GLYATL1: variants seen among roughly 807,000 people sequenced by gnomAD.
GLYATL1 encodes glycine N-acyltransferase-like protein 1.
In GLYATL1, 15 loss-of-function variants were observed where a neutral mutation model predicts 20.0. That is an observed-to-expected ratio of 0.75 (90% CI 0.50 to 1.15). GLYATL1 has a LOEUF of 1.15. Among genes scored for constraint, GLYATL1 ranks in the 50% most tolerant of loss-of-function variants. GLYATL1 has a pLI of 0.00. For synonymous variants in GLYATL1, 151 were observed against 131.5 expected, an observed-to-expected ratio of 1.15 and a Z score of -1.01; for missense variants, 380 against 368.5, an observed-to-expected ratio of 1.03 and a Z score of -0.26.
In GLYATL1 at chr11:58,951,145, A is replaced by T. The variant is rs534254983; in HGVS notation, c.186+3180A>T. ...ATTTTTGCTACTCGAAGATCATACAACTGTTTTCTCATTTTGTCTTACAGT... is the reference window on the plus strand; with the variant it reads ...ATTTTTGCTACTCGAAGATCATACATCTGTTTTCTCATTTTGTCTTACAGT... On this transcript the variant is annotated intron_variant, in intron 4 of 6. Coordinates refer to ENST00000532726, the MANE Select transcript of GLYATL1 (RefSeq NM_001389712.2). Among the ~76,000 whole-genome samples the T allele has an allele frequency of 2.2e-4, 33 of 152,180 alleles. 2 individuals are homozygous for T. Among genetic ancestry groups the T allele is most frequent in the Admixed American group, 1.9e-3 (29 of 15,290 alleles).
intron 2 of GLYATL1, among the ~76,000 whole-genome samples, chr11:58,946,585 G>T (rs1393626067): frequency 2.0e-5 from 3 of 152,122 alleles, no homozygotes; most frequent in Non-Finnish European, 2.9e-5. Flanking sequence ...GAAATATTTG[G>T]CCCTGAGAAA....
Position 58,955,718 on chromosome 11 carries a change from C to T in GLYATL1, c.600C>T (p.Arg200=), listed in dbSNP as rs776047363. The part of the protein sequence containing the change: ...KNERSLHYIK[R]CIEDLPAACM... ...AGAGGAGCCTGCATTACATCAAGCG[C>T]TGCATAGAAGACCTGCCAGCAGCCT... The change falls in exon 7 of 7, where the codon CGC becomes CGT. Residue 200 remains arginine (R), a synonymous_variant. Transcript: ENST00000532726. The T allele has an allele frequency of 6.2e-7, 1 of 1,614,214 alleles. No homozygotes were observed. Among genetic ancestry groups the T allele is most frequent in the South Asian group, 1.1e-5 (1 of 91,078 alleles).
rs371784651 is a variant in GLYATL1 at position 58,955,627 on chromosome 11, A to G, written c.509A>G (p.Lys170Arg). Residue 170 changes from lysine (K) to arginine (R), a missense_variant, in exon 7 of 7, where the codon AAG becomes AGG. By Grantham distance (26) the Lys-to-Arg change is conservative (BLOSUM62 2). Coordinates refer to ENST00000532726, the MANE Select transcript of GLYATL1 (RefSeq NM_001389712.2). Reference sequence around the variant, plus strand: ...GTCTACAGTGAAACTCCCAACTTTAAGTATGCCCAGCTGGATGTCTCTTAT... The same window carrying G: ...GTCTACAGTGAAACTCCCAACTTTAGGTATGCCCAGCTGGATGTCTCTTAT... ...DEFESETPNFKYAQLDVSYSG... is the reference protein window; with the variant it reads ...DEFESETPNFRYAQLDVSYSG... 1.2e-6 allele frequency: 2 copies of G among 1,613,728 alleles called. No individual in the cohort carries two copies. The highest frequency in any genetic ancestry group is 2.7e-5 in the African/African-American group (2 of 74,916).
intron 2 of GLYATL1, among the ~76,000 whole-genome samples, chr11:58,944,632 T>C (rs2135201988): frequency 6.6e-6 from 1 of 152,260 alleles, no homozygotes. Context: ...TCCCTTCAAG[T>C]CCTTGTCCAC....
At chr11:58,948,135 G>A (rs531008767) in intron 4 of GLYATL1, among the ~76,000 whole-genome samples, 170 bp downstream of exon 4, 18 of 152,274 alleles carry the variant, frequency 1.2e-4, no homozygotes, top group South Asian at 8.3e-4. Flanking sequence ...CCCACCCTTC[G>A]TGTAAAGCAT....
chr11:58,947,498 A>G, intron 3 of GLYATL1: 2 of 453,968 alleles, frequency 4.4e-6, no homozygotes, highest in Non-Finnish European at 7.9e-6. Flanking sequence ...CCTTTCTCTG[A>G]CTTTACGTTT....
At chr11:58,914,028 T>C (rs1463831275) in intron 1 of GLYATL1, among the ~76,000 whole-genome samples, 1 of 152,154 alleles carries the variant, frequency 6.6e-6, no homozygotes, top group Non-Finnish European at 1.5e-5. Flanking sequence ...ACTTTCTCTC[T>C]CTTTATGCTA....
upstream of GLYATL1, among the ~76,000 whole-genome samples, chr11:58,923,353 T>A (rs1411374383): frequency 6.6e-6 from 1 of 152,212 alleles, no homozygotes; most frequent in Non-Finnish European, 1.5e-5. Context: ...CTTTTCTGAA[T>A]GAGCCAGATA....
Position 58,907,211 on chromosome 11 carries a change from T to C in GLYATL1, n.239-30T>C, listed in dbSNP as rs1316736073. ...GGGAAACCTCTTCATATATCCTGAG[T>C]TTTCTGTCTCTCTCTCTCTGCCTCT... On this transcript the variant is annotated intron_variant and non_coding_transcript_variant, in intron 1 of 1. Transcript: ENST00000524629. 6.6e-6 allele frequency: 3 copies of C among 455,798 alleles called. No individual in the cohort carries two copies. The Admixed American group carries it at 7.0e-5, about 11-fold the overall frequency. 28.2% of individuals were successfully genotyped at this position (455,798 alleles called of 1,614,324 possible). A position where few individuals can be genotyped will look rare whatever the true frequency, so the allele number is the denominator to read the frequency against.
At chr11:58,905,732 GACAAATAGGGA>G in intron 1 of GLYATL1, 12 of 107,826 alleles carry the variant, frequency 1.1e-4, no homozygotes, top group South Asian at 4.9e-4. Context: ...GGGTCATCTG[GACAAATAGGGA>G]GGGTGGGCGG....
At chr11:58,943,721 A>T in intron 2 of GLYATL1, 55 bp downstream of exon 2, 2 of 1,592,932 alleles carry the variant, frequency 1.3e-6, no homozygotes, top group Non-Finnish European at 1.7e-6. Flanking sequence ...GAGCTCTCTG[A>T]GTTGCTTGGA....
Position 58,943,597 on chromosome 11 carries a change from A to G in GLYATL1, c.-112A>G. ...GCTTCTAGTATCCCCAGGAGCGCGA[A>G]GTGAACACGGAAGGTACCTGCAGGA... On this transcript the variant is annotated 5_prime_UTR_variant, in exon 2 of 7. Transcript: ENST00000532726. 6.2e-7 allele frequency: 1 copy of G among 1,613,632 alleles called. No individual in the cohort carries two copies. Among genetic ancestry groups the G allele is most frequent in the Non-Finnish European group, 8.5e-7 (1 of 1,179,594 alleles).
At chr11:58,921,541 A>T (rs1028732924) in intron 1 of GLYATL1, among the ~76,000 whole-genome samples, 3 of 152,118 alleles carry the variant, frequency 2.0e-5, no homozygotes, top group Non-Finnish European at 4.4e-5. Flanking sequence ...TCTCCACGTT[A>T]TTATTCTCTG....
rs147081205 is a variant in GLYATL1, at chr11:58,956,009, G to T, written c.891G>T (p.Gln297His). Residue 297 changes from glutamine (Q) to histidine (H), a missense_variant, in exon 7 of 7, where the codon CAG becomes CAT. Physicochemically the swap from Gln to His is conservative, Grantham distance 24. Coordinates refer to ENST00000532726, the MANE Select transcript of GLYATL1 (RefSeq NM_001389712.2). ...GGCACCAATGGACTTGCTACCCACA[G>T]AATCTAGTTCCATTTTAGACAATGA... The part of the protein sequence containing the change: ...CEWHQWTCYP[Q>H]NLVPF 6.2e-7 allele frequency: 1 copy of T among 1,611,688 alleles called. No homozygotes were observed. Among genetic ancestry groups the T allele is most frequent in the Non-Finnish European group, 8.5e-7 (1 of 1,177,948 alleles).
intron 1 of GLYATL1, chr11:58,907,220 T>C (rs1854917493): frequency 2.2e-6 from 1 of 455,350 alleles, no homozygotes; most frequent in Non-Finnish European, 4.4e-6. Flanking sequence ...GTTTTCTGTC[T>C]CTCTCTCTCT....
chr11:58,928,873 TA>T (rs1855502113), intron 1 of GLYATL1, among the ~76,000 whole-genome samples: 1 of 152,182 alleles, frequency 6.6e-6, no homozygotes, highest in African/African-American at 2.4e-5. Flanking sequence ...TTGGTCAAAC[TA>T]CCCCCAAGAG....
intron 1 of GLYATL1, among the ~76,000 whole-genome samples, chr11:58,932,587 C>G (rs915715715): frequency 1.3e-5 from 2 of 152,150 alleles, no homozygotes; most frequent in Non-Finnish European, 2.9e-5. Flanking sequence ...GCAGAAAACC[C>G]CTGAATGTGC....
At chr11:58,939,357 T>A (rs1855981183), upstream of GLYATL1, 1 of 152,226 alleles carries the variant, frequency 6.6e-6, no homozygotes, top group Non-Finnish European at 1.5e-5. Context: ...TGCTACAGCA[T>A]CCAACTCAGC....
chr11:58,914,611 T>C (rs1245607402), intron 1 of GLYATL1, among the ~76,000 whole-genome samples: 2 of 152,152 alleles, frequency 1.3e-5, no homozygotes, highest in African/African-American at 2.4e-5. Context: ...GATTTCCATA[T>C]GATAATGAGG....
Sources: gnomAD v4.1 joint callset for allele counts (sites outside exome capture counted in the v4.1 genomes callset) on GRCh38, gnomAD v4.1.1 for gene constraint, MANE v1.5 for transcripts, NCBI Gene and HGNC (gene_info 2026-07-23, HGNC 2026-07-21) for gene names.